Variants in GNA12 observed in about 807,000 individuals in gnomAD.
GNA12 encodes the protein guanine nucleotide-binding protein subunit alpha-12.
A neutral mutation model predicts 26.0 loss-of-function variants in GNA12; 9 were observed. The ratio of observed to expected loss-of-function variants is 0.35; its 90% CI spans 0.21 to 0.60. The LOEUF (loss-of-function observed/expected upper bound fraction) is 0.60. GNA12 is among the 20% of genes least tolerant of loss of function. GNA12 has a pLI of 0.78. For synonymous variants in GNA12, 264 were observed against 219.6 expected (o/e 1.20, Z -1.79); for missense variants, 405 against 525.8 (o/e 0.77, Z 2.25).
At chr7:2,841,587 G>A (rs1392076275) in intron 1 of GNA12, among the ~76,000 whole-genome samples, 1 of 151,330 alleles carries the variant, frequency 6.6e-6, no homozygotes, top group East Asian at 1.9e-4. Context: ...GGCTTGGAAA[G>A]AGGTAAAATG....
At chr7:2,752,855 A>C (rs181752614) in intron 2 of GNA12, among the ~76,000 whole-genome samples, 6 of 152,302 alleles carry the variant, frequency 3.9e-5, no homozygotes, top group Admixed American at 2.0e-4. Context: ...TTATAGTACA[A>C]TATCAGAACC....
intron 1 of GNA12, among the ~76,000 whole-genome samples, chr7:2,816,800 C>G (rs987717073): frequency 2.0e-5 from 3 of 152,112 alleles, no homozygotes; most frequent in African/African-American, 7.2e-5. Flanking sequence ...TAAGAGCGGC[C>G]AGGAGACATC....
chr7:2,838,589 T>C lies in GNA12; in HGVS notation c.309+5264A>G, dbSNP rs181036543. Among the ~76,000 whole-genome samples the C allele has an allele frequency of 5.1e-3, 780 of 152,154 alleles. 1 individual carries two copies. Among genetic ancestry groups the C allele is most frequent in the Non-Finnish European group, 7.2e-3 (491 of 67,984 alleles). ...ATAGCAAAAGACCTTGTCTCTAAGA[T>C]AGTAACAGTCATAATAATGACTTTA... On this transcript the variant is annotated intron_variant, in intron 1 of 3. Coordinates refer to ENST00000275364, the MANE Select transcript of GNA12 (RefSeq NM_007353.3).
Position 2,773,958 on chromosome 7 carries a change from T to C in GNA12, c.525+20970A>G, listed in dbSNP as rs577352232. On this transcript the variant is annotated intron_variant, in intron 2 of 3. Transcript: ENST00000275364. ...CAACAAGGAAGAACGTGCCGCAGAA[T>C]TGGAAGAACCGCACAAAACGAAATG... Among the ~76,000 whole-genome samples, 29 of 152,284 alleles carry C rather than the reference T, an allele frequency of 1.9e-4. No homozygotes were observed. The South Asian group carries it at 5.8e-3, about 31-fold the overall frequency.
intron 2 of GNA12, among the ~76,000 whole-genome samples, chr7:2,754,610 T>C (rs1583241297): frequency 6.7e-6 from 1 of 149,634 alleles, no homozygotes; most frequent in African/African-American, 2.5e-5. Flanking sequence ...TAGCCAGGTA[T>C]AGTGTTGCGT....
At chr7:2,745,107 C>T (rs963377278) in intron 2 of GNA12, among the ~76,000 whole-genome samples, 8 of 152,170 alleles carry the variant, frequency 5.3e-5, no homozygotes, top group African/African-American at 1.9e-4. Flanking sequence ...AGGATATTAT[C>T]CAGGAAAACT....
At chr7:2,800,879 T>C (rs1792793517) in intron 1 of GNA12, among the ~76,000 whole-genome samples, 1 of 152,148 alleles carries the variant, frequency 6.6e-6, no homozygotes, top group Non-Finnish European at 1.5e-5. Flanking sequence ...CCCACTTCCT[T>C]TGACTACACC....
intron 2 of GNA12, among the ~76,000 whole-genome samples, chr7:2,772,156 A>G (rs1791964166): frequency 6.6e-6 from 1 of 152,254 alleles, no homozygotes; most frequent in African/African-American, 2.4e-5. Flanking sequence ...ATAATCTGAC[A>G]AAGGACTCAT....
chr7:2,748,944 ATCAAAACCACAATGAGATGCCATT>A (rs1335917055), intron 2 of GNA12, among the ~76,000 whole-genome samples: 10 of 152,260 alleles, frequency 6.6e-5, no homozygotes, highest in Non-Finnish European at 1.2e-4. Flanking sequence ...AGAAATGCAA[ATCAAAACCACAATGAGATGCCATT>A]TCACACCAGT....
At chr7:2,746,557 G>A (rs1166826804) in intron 2 of GNA12, among the ~76,000 whole-genome samples, 2 of 152,048 alleles carry the variant, frequency 1.3e-5, no homozygotes, top group African/African-American at 4.8e-5. Context: ...ATGCCCACAA[G>A]AGAAAGCAGG....
At chr7:2,787,156 T>A (rs1728416667) in intron 2 of GNA12, among the ~76,000 whole-genome samples, 2 of 152,150 alleles carry the variant, frequency 1.3e-5, no homozygotes, top group Non-Finnish European at 2.9e-5. Flanking sequence ...CCAGCAATCC[T>A]GAAGCTGTGT....
chr7:2,769,895 G>C (rs1791905603), intron 2 of GNA12, among the ~76,000 whole-genome samples: 2 of 152,116 alleles, frequency 1.3e-5, no homozygotes, highest in South Asian at 4.1e-4. Flanking sequence ...TTCTGAATTT[G>C]ATGGGTGAAA....
chr7:2,826,020 G>C (rs1793477237), intron 1 of GNA12, among the ~76,000 whole-genome samples: 2 of 152,014 alleles, frequency 1.3e-5, no homozygotes, highest in Admixed American at 1.3e-4. Flanking sequence ...GGAGCAACAG[G>C]AACTCTCATT....
Position 2,747,719 on chromosome 7 carries a change from G to A in GNA12, c.526-14218C>T, listed in dbSNP as rs556464978. On this transcript the variant is annotated intron_variant, in intron 2 of 3. Coordinates refer to ENST00000275364, the MANE Select transcript of GNA12 (RefSeq NM_007353.3). ...TAAAGGGTATTCAATTAGGAAAAGA[G>A]GAAGTCAAATTGTCCCTGTTTGCAG... 1.0e-3 allele frequency among the ~76,000 whole-genome samples: 157 copies of A among 152,280 alleles called. 1 individual carries two copies. The highest frequency in any genetic ancestry group is 3.8e-3 in the African/African-American group (156 of 41,546).
chr7:2,753,503 T>C (rs372773561), intron 2 of GNA12, among the ~76,000 whole-genome samples: 1 of 152,220 alleles, frequency 6.6e-6, no homozygotes, highest in Non-Finnish European at 1.5e-5. Context: ...GCTCACACTG[T>C]TGCATCTGTC....
chr7:2,816,986 AC>A (rs1793232672), intron 1 of GNA12, among the ~76,000 whole-genome samples: 1 of 151,644 alleles, frequency 6.6e-6, no homozygotes, highest in South Asian at 2.1e-4. Flanking sequence ...TCCACCTCCT[AC>A]CCCTGGAGGA....
At chr7:2,782,535 G>C (rs901620864) in intron 2 of GNA12, among the ~76,000 whole-genome samples, 2 of 152,152 alleles carry the variant, frequency 1.3e-5, no homozygotes, top group Non-Finnish European at 2.9e-5. Context: ...GTAGCTTTTG[G>C]GAAGAAAGCT....
intron 2 of GNA12, among the ~76,000 whole-genome samples, chr7:2,741,045 A>AAAACAAAC (rs10603977): frequency 3.3e-5 from 5 of 151,286 alleles, no homozygotes; most frequent in South Asian, 2.1e-4. Context: ...ACTCCGTCTC[A>AAAACAAAC]AAACAAACAA....
intron 2 of GNA12, among the ~76,000 whole-genome samples, chr7:2,736,892 C>A (rs185013921): frequency 6.6e-6 from 1 of 152,212 alleles, no homozygotes; most frequent in South Asian, 2.1e-4. Context: ...TTTAGGACCA[C>A]GAGAAAAGAG....
Sources: allele counts gnomAD v4.1 joint callset (sites outside exome capture counted in the v4.1 genomes callset), GRCh38; gene constraint gnomAD v4.1.1; transcripts MANE v1.5; gene names NCBI Gene and HGNC (gene_info 2026-07-23, HGNC 2026-07-21).